The following ZDBF2 variants were observed in gnomAD, a reference collection of about 807,000 sequenced individuals.
The protein encoded by ZDBF2 is DBF4-type zinc finger-containing protein 2.
In ZDBF2, 6 loss-of-function variants were observed where a neutral mutation model predicts 9.4. The ratio of observed to expected loss-of-function variants is 0.64; its 90% confidence interval spans 0.35 to 1.27. The LOEUF (loss-of-function observed/expected upper bound fraction) is 1.27. Ranked by LOEUF, ZDBF2 falls within the 50% of genes most tolerant of loss-of-function variation. The pLI is 0.03. For synonymous variants in ZDBF2, 905 were observed against 946.3 expected, an observed-to-expected ratio of 0.96 and a Z score of 0.80; for missense variants, 2,697 against 2,766.8, an observed-to-expected ratio of 0.97 and a Z score of 0.57.
At chr2:206,276,124 AT>A (rs953353342) in intron 1 of ZDBF2, among the ~76,000 whole-genome samples, 11 of 152,202 alleles carry the variant, frequency 7.2e-5, no homozygotes, top group African/African-American at 2.4e-4. Context: ...TTAAAAAAAA[AT>A]AAGATCGCAT....
At position 206,311,356 on chromosome 2, in the gene ZDBF2, A is replaced by G. The variant is rs1195791092; in HGVS notation, c.6828A>G (p.Pro2276=). The change falls in exon 5 of 5, where the codon CCA becomes CCG. Residue 2276 remains proline, a synonymous_variant. Transcript: ENST00000374423. ...AKVLLNSSVP[P]AGAEELSSAM... is the part of the protein sequence containing the mutation. ...TGCTTTTGAACTCTTCAGTTCCACCAGCTGGTGCCGAAGAGCTGTCAAGCG... is the reference window on the plus strand; with the variant it reads ...TGCTTTTGAACTCTTCAGTTCCACCGGCTGGTGCCGAAGAGCTGTCAAGCG... 1.2e-6 allele frequency: 2 copies of G among 1,605,716 alleles called. No individual in the cohort carries two copies. Among genetic ancestry groups the G allele is most frequent in the African/African-American group, 1.3e-5 (1 of 74,812 alleles).
Position 206,310,276 on chromosome 2 carries a change from A to G in ZDBF2, c.5748A>G (p.Pro1916=), listed in dbSNP as rs745697397. The G allele has an allele frequency of 4.0e-5, 64 of 1,613,878 alleles. No homozygotes were observed. The highest frequency in any genetic ancestry group is 5.3e-5 in the Non-Finnish European group (62 of 1,179,908). The change falls in exon 5 of 5, where the codon CCA becomes CCG. Residue 1916 remains proline (P), a synonymous_variant. Transcript: ENST00000374423. The part of the protein sequence containing the change: ...IDDLSVALDK[P]CHRHPPAERP... ...ACTTGTCAGTGGCCTTAGATAAACC[A>G]TGCCATCGTCATCCTCCAGCAGAGA...
At chr2:206,295,616 T>C (rs1692131669) in intron 3 of ZDBF2, among the ~76,000 whole-genome samples, 1 of 152,106 alleles carries the variant, frequency 6.6e-6, no homozygotes, top group Non-Finnish European at 1.5e-5. Flanking sequence ...TCAGGTGATC[T>C]GCCCACTGTA....
intron 4 of ZDBF2, among the ~76,000 whole-genome samples, chr2:206,302,021 T>C (rs968738160): frequency 6.6e-6 from 1 of 152,092 alleles, no homozygotes; most frequent in Non-Finnish European, 1.5e-5. Flanking sequence ...TTAGCTGTTT[T>C]TTGTTCGTTT....
chr2:206,296,310 A>G (rs1402515694), intron 3 of ZDBF2, among the ~76,000 whole-genome samples: 3 of 152,222 alleles, frequency 2.0e-5, no homozygotes, highest in African/African-American at 7.2e-5. Flanking sequence ...TCAGGACATG[A>G]ATCATCCATT....
In ZDBF2 at chr2:206,307,383, G is replaced by C. The variant is rs748286509; in HGVS notation, c.2855G>C (p.Ser952Thr). The change falls in exon 5 of 5, where the codon AGT becomes ACT. Residue 952 changes from serine (S) to threonine (T), a missense_variant. Physicochemically the swap from Ser to Thr is moderately conservative, Grantham distance 58. Coordinates refer to ENST00000374423, the MANE Select transcript of ZDBF2 (RefSeq NM_020923.3). ...GAGCACATGTACTTAGAAAATAAGA[G>C]TGTTTTTGAAACAAGTTTGGATTCT... is the stretch of plus-strand genomic sequence containing the variant. ...TKEHMYLENK[S>T]VFETSLDSDV... The C allele has an allele frequency of 1.2e-6, 2 of 1,612,988 alleles. No homozygotes were observed. The highest frequency in any genetic ancestry group is 2.7e-5 in the African/African-American group (2 of 74,890).
Position 206,310,860 on chromosome 2 carries a change from C to T in ZDBF2, c.6332C>T (p.Pro2111Leu), listed in dbSNP as rs376681648. Residue 2111 changes from proline (P) to leucine (L), a missense_variant, in exon 5 of 5, where the codon CCG (proline) becomes CTG (leucine). Pro to Leu is a moderately conservative substitution (Grantham distance 98). Around this residue, in one of 3 missense-constraint regions of ZDBF2, gnomAD observed 1,783 missense variants for 1,776.5 expected, o/e 1.00. Transcript: ENST00000374423. ...GCTTCAGCGCCTTTAATGGCAGTGC[C>T]GGCAAGATATGGATTTAATTCACAT... ...GSASAPLMAVPARYGFNSHQG... is the reference protein window; with the variant it reads ...GSASAPLMAVLARYGFNSHQG... 29 of 1,613,774 alleles carry T rather than the reference C, an allele frequency of 1.8e-5. No individual in the cohort carries two copies. Among genetic ancestry groups the T allele is most frequent in the African/African-American group, 6.7e-5 (5 of 75,010 alleles).
chr2:206,278,923 C>G (rs1399324311), intron 1 of ZDBF2, among the ~76,000 whole-genome samples: 3 of 152,060 alleles, frequency 2.0e-5, no homozygotes, highest in Non-Finnish European at 4.4e-5. Context: ...GTCTCTATCC[C>G]TTAAAGTTTC....
At chr2:206,278,091 C>G (rs1312608031) in intron 1 of ZDBF2, among the ~76,000 whole-genome samples, 1 of 152,008 alleles carries the variant, frequency 6.6e-6, no homozygotes, top group Non-Finnish European at 1.5e-5. Flanking sequence ...TGTACTGTAC[C>G]TTCCCATTTT....
chr2:206,282,050 A>C (rs1342688579), intron 3 of ZDBF2, 141 bp downstream of exon 3: 12 of 731,526 alleles, frequency 1.6e-5, no homozygotes, highest in Non-Finnish European at 2.3e-5. Context: ...TTAAGGTTCT[A>C]GGGATATGAC....
In ZDBF2 at chr2:206,308,164, C is replaced by T. The variant is rs1279010175; in HGVS notation, c.3636C>T (p.Asp1212=). ...DSDDPLQSVA[D]RLRETVKEIS... Reference sequence around the variant, plus strand: ...ATGACCCTCTTCAGTCAGTGGCTGACCGGCTGAGAGAAACCGTTAAAGAAA... The same window carrying T: ...ATGACCCTCTTCAGTCAGTGGCTGATCGGCTGAGAGAAACCGTTAAAGAAA... The change falls in exon 5 of 5, where the codon GAC becomes GAT. Residue 1212 remains aspartate, a synonymous_variant. Coordinates refer to ENST00000374423, the MANE Select transcript of ZDBF2 (RefSeq NM_020923.3). The T allele has an allele frequency of 1.9e-6, 3 of 1,613,554 alleles. No homozygotes were observed. Among genetic ancestry groups the T allele is most frequent in the Non-Finnish European group, 1.7e-6 (2 of 1,179,796 alleles).
chr2:206,305,261 G>C lies in ZDBF2; in HGVS notation c.733G>C (p.Glu245Gln). The C allele has an allele frequency of 6.2e-7, 1 of 1,613,542 alleles. No homozygotes were observed. Among genetic ancestry groups the C allele is most frequent in the East Asian group, 2.2e-5 (1 of 44,874 alleles). ...AAATCCTGTGCCATCATCCCATGTAGAAACTACTTCATTTTCGTATCAGAA... is the reference window on the plus strand; with the variant it reads ...AAATCCTGTGCCATCATCCCATGTACAAACTACTTCATTTTCGTATCAGAA... The part of the protein sequence containing the change: ...SRNPVPSSHV[E>Q]TTSFSYQKHK... Residue 245 changes from glutamate (E) to glutamine (Q), a missense_variant, in exon 5 of 5, where the codon GAA becomes CAA. Coordinates refer to ENST00000374423, the MANE Select transcript of ZDBF2 (RefSeq NM_020923.3).
chr2:206,310,235 A>G lies in ZDBF2; in HGVS notation c.5707A>G (p.Ile1903Val), dbSNP rs764905763. Residue 1903 changes from isoleucine (I) to valine (V), a missense_variant, in exon 5 of 5, where the codon ATT (isoleucine) becomes GTT (valine). This residue lies in a region of ZDBF2 where 1,783 missense variants were observed against 1,776.5 expected (regional missense o/e 1.00). Transcript: ENST00000374423. ...VSESDDIVCG[I>V]SDIDDLSVAL... Reference sequence around the variant, plus strand: ...AGAGAGTGATGATATTGTCTGTGGTATTTCAGATATTGATGACTTGTCAGT... The same window carrying G: ...AGAGAGTGATGATATTGTCTGTGGTGTTTCAGATATTGATGACTTGTCAGT... The G allele has an allele frequency of 1.2e-6, 2 of 1,613,814 alleles. No individual in the cohort carries two copies. The highest frequency in any genetic ancestry group is 1.7e-6 in the Non-Finnish European group (2 of 1,179,904).
chr2:206,308,807 G>A lies in ZDBF2; in HGVS notation c.4279G>A (p.Val1427Ile). ...TCAGTTTGTGACTGATCAATCTTCT[G>A]TACCTGTCAAAGAAATAAACTTGCA... ...PVQFVTDQSS[V>I]PVKEINLQKK... is the part of the protein sequence containing the mutation. The change falls in exon 5 of 5, where the codon GTA becomes ATA. Residue 1427 changes from valine (V) to isoleucine (I), a missense_variant. Val to Ile is a conservative substitution (Grantham distance 29). This residue lies in a region of ZDBF2 where 1,783 missense variants were observed against 1,776.5 expected (regional missense o/e 1.00). Coordinates refer to ENST00000374423, the MANE Select transcript of ZDBF2 (RefSeq NM_020923.3). 1 of 1,613,826 alleles carries A rather than the reference G, an allele frequency of 6.2e-7. No homozygotes were observed.
At chr2:206,296,725 A>G (rs910995560) in intron 3 of ZDBF2, among the ~76,000 whole-genome samples, 3 of 152,168 alleles carry the variant, frequency 2.0e-5, no homozygotes, top group African/African-American at 7.2e-5. Context: ...TTCTAAATCC[A>G]GCGCCATAGA....
chr2:206,309,005 C>G lies in ZDBF2; in HGVS notation c.4477C>G (p.Pro1493Ala). 6.2e-7 allele frequency: 1 copy of G among 1,613,824 alleles called. No individual in the cohort carries two copies. The highest frequency in any genetic ancestry group is 8.5e-7 in the Non-Finnish European group (1 of 1,179,834). The change falls in exon 5 of 5, where the codon CCT becomes GCT. Residue 1493 changes from proline (P) to alanine (A), a missense_variant. Pro to Ala is a conservative substitution (Grantham distance 27, BLOSUM62 -1). Around this residue, in one of 3 missense-constraint regions of ZDBF2, gnomAD observed 1,783 missense variants for 1,776.5 expected, o/e 1.00. Coordinates refer to ENST00000374423, the MANE Select transcript of ZDBF2 (RefSeq NM_020923.3). ...HVVMEEKTDQ[P>A]SDSEMMYDSD... ...TGTCATGGAAGAAAAGACCGATCAACCTAGTGATTCAGAAATGATGTATGA... is the reference window on the plus strand; with the variant it reads ...TGTCATGGAAGAAAAGACCGATCAAGCTAGTGATTCAGAAATGATGTATGA...
Position 206,310,203 on chromosome 2 carries a change from C to T in ZDBF2, c.5675C>T (p.Ala1892Val). Residue 1892 changes from alanine to valine, a missense_variant, in exon 5 of 5, where the codon GCT (alanine) becomes GTT (valine). This residue lies in a region of ZDBF2 where 1,783 missense variants were observed against 1,776.5 expected (regional missense o/e 1.00). Coordinates refer to ENST00000374423, the MANE Select transcript of ZDBF2 (RefSeq NM_020923.3). The stretch of plus-strand genomic sequence containing the variant: ...AAGGAGGACACTGCACCAACTCAAG[C>T]TGTGTCAGAGAGTGATGATATTGTC... Reference protein sequence around the residue: ...QGKEDTAPTQAVSESDDIVCG... With the variant: ...QGKEDTAPTQVVSESDDIVCG... 1 of 1,613,938 alleles carries T rather than the reference C, an allele frequency of 6.2e-7. No individual in the cohort carries two copies.
At chr2:206,301,650 A>G (rs373986715) in intron 4 of ZDBF2, among the ~76,000 whole-genome samples, 3 of 152,176 alleles carry the variant, frequency 2.0e-5, no homozygotes, top group South Asian at 4.1e-4. Context: ...TAAACTTTCT[A>G]ACTTATAGGA....
chr2:206,300,946 A>C (rs1692468507), intron 4 of ZDBF2, among the ~76,000 whole-genome samples: 1 of 152,180 alleles, frequency 6.6e-6, no homozygotes, highest in African/African-American at 2.4e-5. Context: ...ACTTCCTAGA[A>C]GGCTATACCA....
Sources: allele counts gnomAD v4.1 joint callset (sites outside exome capture counted in the v4.1 genomes callset), GRCh38; gene constraint gnomAD v4.1.1; regional missense constraint gnomAD v4.1.1; transcripts MANE v1.5; gene names NCBI Gene and HGNC (gene_info 2026-07-23, HGNC 2026-07-21).